TNRC6A: variants seen among roughly 807,000 people sequenced by gnomAD.
TNRC6A encodes the protein trinucleotide repeat-containing gene 6A protein.
In TNRC6A, 44 loss-of-function variants were observed where a neutral mutation model predicts 221.2. The ratio of observed to expected loss-of-function variants is 0.20; its 90% CI spans 0.16 to 0.26. TNRC6A has a LOEUF of 0.26. Ranked by LOEUF, TNRC6A falls within the 10% of genes least tolerant of loss-of-function variation. The pLI is 1.00. For synonymous variants in TNRC6A, 847 were observed against 838.5 expected, an observed-to-expected ratio of 1.01 and a Z score of -0.18; for missense variants, 2,199 against 2,404.4, an observed-to-expected ratio of 0.91 and a Z score of 1.79.
intron 2 of TNRC6A, among the ~76,000 whole-genome samples, chr16:24,715,084 G>A (rs1041314494): frequency 8.6e-5 from 13 of 151,812 alleles, no homozygotes; most frequent in African/African-American, 3.1e-4. Context: ...CACCGTGTTA[G>A]CCAGGATGGT....
chr16:24,758,309 T>A (rs2057293693), intron 3 of TNRC6A, 30 bp from the exon 4 acceptor site: 1 of 1,593,100 alleles, frequency 6.3e-7, no homozygotes, highest in Non-Finnish European at 8.6e-7. Context: ...CATATTTACA[T>A]TGTTTTTTGT....
In TNRC6A at chr16:24,780,336, A is replaced by G. The variant is rs114137870; in HGVS notation, c.589+2978A>G. Among the ~76,000 whole-genome samples, 93 of 152,318 alleles carry G rather than the reference A, an allele frequency of 6.1e-4. 1 individual carries two copies. The highest frequency in any genetic ancestry group is 2.2e-3 in the African/African-American group (90 of 41,570). On this transcript the variant is annotated intron_variant, in intron 5 of 24. Transcript: ENST00000395799. The stretch of plus-strand genomic sequence containing the variant: ...ACTTAAAAGTAAGTATGCAAACATT[A>G]TGGCACTTCAACTTTAATCCTTCCA...
At chr16:24,728,167 A>C (rs1429098184), upstream of TNRC6A, among the ~76,000 whole-genome samples, 17 of 152,096 alleles carry the variant, frequency 1.1e-4, no homozygotes. Context: ...AGCCAGTTGA[A>C]GCTGGGCGCG....
chr16:24,664,681 T>C (rs943590949), intron 2 of TNRC6A, among the ~76,000 whole-genome samples: 1 of 145,290 alleles, frequency 6.9e-6, no homozygotes, highest in African/African-American at 2.5e-5. Context: ...TTATTTATTA[T>C]TTATGTCTCC....
At chr16:24,636,567 C>T (rs1193215291) in intron 1 of TNRC6A, among the ~76,000 whole-genome samples, 1 of 152,052 alleles carries the variant, frequency 6.6e-6, no homozygotes. Flanking sequence ...CAGGGTCTCA[C>T]TATGTTGTCC....
chr16:24,809,972 C>G (rs1400932946), intron 18 of TNRC6A, among the ~76,000 whole-genome samples: 2 of 152,076 alleles, frequency 1.3e-5, no homozygotes, highest in African/African-American at 2.4e-5. Flanking sequence ...GCCACCATGC[C>G]CGGCTAATTT....
chr16:24,645,455 A>AC (rs1329156551), intron 2 of TNRC6A, among the ~76,000 whole-genome samples: 2 of 151,746 alleles, frequency 1.3e-5, no homozygotes, highest in African/African-American at 4.8e-5. Flanking sequence ...ACGCCACTGC[A>AC]CTCCAGCCTG....
At chr16:24,816,459 T>C (rs2058660961) in intron 19 of TNRC6A, 1 of 175,604 alleles carries the variant, frequency 5.7e-6, no homozygotes, top group African/African-American at 2.4e-5. Context: ...TGAGCTGTGA[T>C]TGCACCACTA....
upstream of TNRC6A, among the ~76,000 whole-genome samples, chr16:24,724,846 A>G (rs988858296): frequency 6.6e-5 from 10 of 152,300 alleles, 1 homozygote; most frequent in East Asian, 1.9e-3. Flanking sequence ...AATATTATGC[A>G]TGAGCCTTGC....
At chr16:24,696,347 CAAAAAAA>C (rs56696667) in intron 2 of TNRC6A, among the ~76,000 whole-genome samples, 19 of 125,620 alleles carry the variant, frequency 1.5e-4, no homozygotes, top group Admixed American at 1.7e-4. Context: ...GACTCCATCT[CAAAAAAA>C]AAAAAAAAAA....
intron 1 of TNRC6A, among the ~76,000 whole-genome samples, chr16:24,637,685 A>G (rs974098186): frequency 6.6e-6 from 1 of 152,156 alleles, no homozygotes; most frequent in African/African-American, 2.4e-5. Flanking sequence ...GGGCGCCACA[A>G]CCACACAACA....
In TNRC6A at chr16:24,824,109, C is replaced by CAA. The variant is rs1396688562; in HGVS notation, c.*302_*303insAA. On this transcript the variant is annotated 3_prime_UTR_variant, in exon 25 of 25. Coordinates refer to ENST00000395799, the MANE Select transcript of TNRC6A (RefSeq NM_014494.4). Reference sequence around the variant, plus strand: ...GCCTTTGGATTCTTTTTTTTTTTTTCCTTCTATTCCTCCCCAACCCCCCCC... The same window carrying CAA: ...GCCTTTGGATTCTTTTTTTTTTTTTCAACTTCTATTCCTCCCCAACCCCCCCC... The CAA allele has an allele frequency of 1.9e-4, 23 of 122,100 alleles. No homozygotes were observed. Among genetic ancestry groups the CAA allele is most frequent in the Non-Finnish European group, 3.2e-4 (19 of 59,794 alleles). 7.6% of individuals were successfully genotyped at this position (122,100 alleles called of 1,614,324 possible).
At chr16:24,617,452 G>T (rs188188306) in intron 1 of TNRC6A, among the ~76,000 whole-genome samples, 4 of 152,154 alleles carry the variant, frequency 2.6e-5, no homozygotes, top group Non-Finnish European at 4.4e-5. Context: ...AATGCCTAGT[G>T]TGATTGTGTG....
intron 2 of TNRC6A, among the ~76,000 whole-genome samples, chr16:24,653,209 C>G (rs1483747196): frequency 6.6e-6 from 1 of 152,028 alleles, no homozygotes; most frequent in East Asian, 1.9e-4. Flanking sequence ...TTGCAAATGA[C>G]AGGAAGAAAA....
intron 2 of TNRC6A, among the ~76,000 whole-genome samples, chr16:24,720,383 C>T (rs1040383890): frequency 7.3e-5 from 11 of 151,072 alleles, no homozygotes; most frequent in African/African-American, 2.7e-4. Flanking sequence ...CACAGCTAGA[C>T]CTTGTCTCAA....
rs1555505210 is a variant in TNRC6A, at chr16:24,789,572, T to C, written c.930T>C (p.Thr310=). The change falls in exon 6 of 25, where the codon ACT becomes ACC. Residue 310 remains threonine (T), a synonymous_variant. Transcript: ENST00000395799. ...ATAATGTGGGCCATGGAAGTAGTAC[T>C]GGGCCATGGGGTTTTTCCCATGGAG... The part of the protein sequence containing the change: ...SSNNVGHGSS[T]GPWGFSHGAI... 1 of 1,614,108 alleles carries C rather than the reference T, an allele frequency of 6.2e-7. No individual in the cohort carries two copies. Among genetic ancestry groups the C allele is most frequent in the South Asian group, 1.1e-5 (1 of 91,074 alleles).
intron 2 of TNRC6A, among the ~76,000 whole-genome samples, chr16:24,677,232 G>A (rs1362798909): frequency 1.3e-4 from 19 of 148,438 alleles, no homozygotes; most frequent in South Asian, 2.1e-4. Context: ...GTGCAATCCC[G>A]GCTCACTGCA....
intron 1 of TNRC6A, among the ~76,000 whole-genome samples, chr16:24,624,203 A>G (rs1478990454): frequency 8.5e-5 from 13 of 152,194 alleles, no homozygotes; most frequent in Admixed American, 8.5e-4. Flanking sequence ...ACACAGACAG[A>G]GGAGCAAGAG....
chr16:24,800,229 C>T (rs1475732888), intron 11 of TNRC6A, among the ~76,000 whole-genome samples: 6 of 152,146 alleles, frequency 3.9e-5, no homozygotes, highest in African/African-American at 9.7e-5. Flanking sequence ...AGAAGCCGCT[C>T]GCACTTTCAC....
Sources: allele counts gnomAD v4.1 joint callset (sites outside exome capture counted in the v4.1 genomes callset), GRCh38; gene constraint gnomAD v4.1.1; transcripts MANE v1.5; gene names NCBI Gene and HGNC (gene_info 2026-07-23, HGNC 2026-07-21).